Variants in ACTR3B observed in about 807,000 individuals in gnomAD.
ACTR3B encodes actin-related protein 3B.
ACTR3B carries 8 observed loss-of-function variants against 59.0 expected under a neutral mutation model. The observed-to-expected ratio is 0.14, with a 90% CI of 0.08 to 0.24. ACTR3B has a LOEUF of 0.24. Ranked by LOEUF, ACTR3B falls within the 10% of genes least tolerant of loss-of-function variation. The pLI, the probability that ACTR3B is intolerant of heterozygous loss-of-function variation, is 1.00. For missense variants in ACTR3B, 245 were observed against 552.3 expected (o/e 0.44, Z 5.58); for synonymous variants, 148 against 197.9 (o/e 0.75, Z 2.12).
intron 9 of ACTR3B, among the ~76,000 whole-genome samples, chr7:152,845,963 A>G (rs1563154917): frequency 6.6e-6 from 1 of 152,282 alleles, no homozygotes; most frequent in South Asian, 2.1e-4. Flanking sequence ...AAATGAATGC[A>G]TTTAAAACAT....
intron 9 of ACTR3B, among the ~76,000 whole-genome samples, chr7:152,832,413 G>A (rs2462087): frequency 1.2e-3 from 180 of 152,336 alleles, no homozygotes; most frequent in African/African-American, 4.1e-3. Context: ...AGGGAGAGTA[G>A]CAGGTGAGGA....
Position 152,761,287 on chromosome 7 carries a change from A to G in ACTR3B, c.44+1361A>G, listed in dbSNP as rs751126567. Among the ~76,000 whole-genome samples, 30 of 152,168 alleles carry G rather than the reference A, an allele frequency of 2.0e-4. No individual in the cohort carries two copies. In the South Asian group the frequency reaches 3.1e-3, roughly 16 times the overall value. ...CACCCTTAACTCATGCCCTCCCCCA[A>G]TGGGTTCACCTCAGGTCCCCTCAGG... On this transcript the variant is annotated intron_variant, in intron 1 of 11. Coordinates refer to ENST00000256001, the MANE Select transcript of ACTR3B (RefSeq NM_020445.6).
At chr7:152,843,056 A>G (rs1366584391) in intron 9 of ACTR3B, among the ~76,000 whole-genome samples, 1 of 151,896 alleles carries the variant, frequency 6.6e-6, no homozygotes, top group African/African-American at 2.4e-5. Context: ...TTAAGTGACA[A>G]CTCAATAGTA....
chr7:152,807,704 A>T (rs2098256571), intron 4 of ACTR3B, among the ~76,000 whole-genome samples: 1 of 152,206 alleles, frequency 6.6e-6, no homozygotes, highest in African/African-American at 2.4e-5. Context: ...CATATGCTTT[A>T]CATTTGCATT....
chr7:152,760,150 G>T (rs1293743349), intron 1 of ACTR3B, among the ~76,000 whole-genome samples: 1 of 152,176 alleles, frequency 6.6e-6, no homozygotes, highest in Non-Finnish European at 1.5e-5. Context: ...AAGCACGGAG[G>T]GTAGGGACGC....
chr7:152,762,229 G>C (rs1447856442), intron 1 of ACTR3B, among the ~76,000 whole-genome samples: 1 of 152,166 alleles, frequency 6.6e-6, no homozygotes, highest in East Asian at 1.9e-4. Flanking sequence ...GGGATCTGCT[G>C]AGTCCAAAAA....
chr7:152,847,444 T>C (rs1411983549), intron 9 of ACTR3B, among the ~76,000 whole-genome samples: 1 of 152,186 alleles, frequency 6.6e-6, no homozygotes, highest in African/African-American at 2.4e-5. Flanking sequence ...ATAAACTCGT[T>C]GAACAATTAA....
intron 11 of ACTR3B, among the ~76,000 whole-genome samples, chr7:152,853,801 C>T (rs1799039012): frequency 6.6e-6 from 1 of 152,110 alleles, no homozygotes; most frequent in Admixed American, 6.5e-5. Flanking sequence ...ACTGCAACCT[C>T]CGCCTCCCGG....
intron 2 of ACTR3B, among the ~76,000 whole-genome samples, chr7:152,790,634 G>GT (rs1349756181): frequency 1.3e-5 from 2 of 151,978 alleles, no homozygotes; most frequent in Non-Finnish European, 2.9e-5. Context: ...TTTTTGTCTG[G>GT]TTGTGTATCA....
At chr7:152,771,909 T>C (rs1403254596) in intron 1 of ACTR3B, among the ~76,000 whole-genome samples, 1 of 151,772 alleles carries the variant, frequency 6.6e-6, no homozygotes, top group Non-Finnish European at 1.5e-5. Context: ...CTACTAAAAA[T>C]ACAAAATTAG....
intron 3 of ACTR3B, 88 bp from the exon 4 acceptor site, chr7:152,801,530 TTAA>T: frequency 6.4e-7 from 1 of 1,553,114 alleles, no homozygotes; most frequent in Non-Finnish European, 8.7e-7. Flanking sequence ...ACCTTTATTC[TTAA>T]TAACACAGTT....
intron 9 of ACTR3B, among the ~76,000 whole-genome samples, chr7:152,831,535 G>C (rs13311073): frequency 2.0e-5 from 3 of 152,228 alleles, no homozygotes; most frequent in Admixed American, 6.5e-5. Context: ...GAGGAACAGC[G>C]TTTTAAACTT....
chr7:152,854,396 G>C lies in ACTR3B; in HGVS notation c.1162-62G>C, dbSNP rs1232127466. ...AGGAGAGTGTCTTGCCTGCTTGGTA[G>C]CTGGTTCCCTTGACTTTCTTCTGAA... On this transcript the variant is annotated intron_variant, in intron 11 of 11. Coordinates refer to ENST00000256001, the MANE Select transcript of ACTR3B (RefSeq NM_020445.6). The surrounding 1 kb of genome is among the most constrained non-coding windows in gnomAD (Gnocchi z 4.9). 6.7e-7 allele frequency: 1 copy of C among 1,488,778 alleles called. No individual in the cohort carries two copies. The highest frequency in any genetic ancestry group is 9.4e-7 in the Non-Finnish European group (1 of 1,066,648). The allele number at this position is 1,488,778 out of a possible 1,614,324, so 92.2% of individuals were successfully genotyped here.
At chr7:152,835,341 A>C (rs529555851) in intron 9 of ACTR3B, among the ~76,000 whole-genome samples, 2 of 152,326 alleles carry the variant, frequency 1.3e-5, no homozygotes, top group African/African-American at 4.8e-5. Flanking sequence ...TACTACAGGC[A>C]TAACTTGGAG....
intron 1 of ACTR3B, among the ~76,000 whole-genome samples, chr7:152,782,848 A>G (rs1244334297): frequency 1.3e-5 from 2 of 152,146 alleles, no homozygotes; most frequent in African/African-American, 4.8e-5. Context: ...AAACAGGGAT[A>G]ATTTCTACTT....
In ACTR3B at chr7:152,801,017, T is replaced by A. The variant is rs2098234235; in HGVS notation, c.225+362T>A. Among the ~76,000 whole-genome samples the A allele has an allele frequency of 4.6e-5, 7 of 152,096 alleles. No individual in the cohort carries two copies. In the South Asian group the frequency reaches 1.2e-3, roughly 27 times the overall value. On this transcript the variant is annotated intron_variant, in intron 3 of 11. Coordinates refer to ENST00000256001, the MANE Select transcript of ACTR3B (RefSeq NM_020445.6). ...GTTATTTAAGCAGACTTTTTTTTTT[T>A]AAAGCTCCAGATCCAATTGTATGAT...
At chr7:152,794,978 C>T (rs1195309986) in intron 2 of ACTR3B, among the ~76,000 whole-genome samples, 1 of 151,522 alleles carries the variant, frequency 6.6e-6, no homozygotes, top group African/African-American at 2.4e-5. Context: ...TTTCTTTTCA[C>T]CTTTTTATCC....
rs566435846 is a variant in ACTR3B at position 152,773,514 on chromosome 7, G to A, written c.45-9673G>A. ...AGGCAGGAGAATCGCTTGAACCCGG[G>A]AGGTGGCAGTTGCAGGGAGTGGAGA... is the stretch of plus-strand genomic sequence containing the variant. On this transcript the variant is annotated intron_variant, in intron 1 of 11. Transcript: ENST00000256001. Among the ~76,000 whole-genome samples, 4 of 152,188 alleles carry A rather than the reference G, an allele frequency of 2.6e-5. No homozygotes were observed. In the South Asian group the frequency reaches 8.3e-4, roughly 32 times the overall value.
At chr7:152,765,433 A>T (rs1180061136) in intron 1 of ACTR3B, among the ~76,000 whole-genome samples, 16 of 134,744 alleles carry the variant, frequency 1.2e-4, no homozygotes, top group South Asian at 9.5e-4. Flanking sequence ...TTTTTTTTTT[A>T]AATAGTCATT....
Sources: allele counts gnomAD v4.1 joint callset (sites outside exome capture counted in the v4.1 genomes callset), GRCh38; gene constraint gnomAD v4.1.1; non-coding constraint Gnocchi (gnomAD v3.1); transcripts MANE v1.5; gene names NCBI Gene and HGNC (gene_info 2026-07-23, HGNC 2026-07-21).